The following FGF9 variants were observed in gnomAD, a reference collection of about 807,000 sequenced individuals.
FGF9 encodes the protein fibroblast growth factor 9, also known as fibroblast growth factor 9 (glia-activating factor).
A neutral mutation model predicts 19.9 loss-of-function variants in FGF9; 3 were observed. The observed-to-expected ratio is 0.15, with a 90% CI of 0.07 to 0.39. FGF9 has a LOEUF of 0.39. FGF9 is among the 10% of genes least tolerant of loss of function. FGF9 has a pLI of 1.00. For missense variants in FGF9, 175 were observed against 256.8 expected, an observed-to-expected ratio of 0.68 and a Z score of 2.18; for synonymous variants, 107 against 106.9, an observed-to-expected ratio of 1.00 and a Z score of -0.01.
At chr13:21,692,875 A>G (rs990682143) in intron 2 of FGF9, among the ~76,000 whole-genome samples, 5 of 152,250 alleles carry the variant, frequency 3.3e-5, no homozygotes, top group African/African-American at 1.2e-4. Flanking sequence ...AGCCTTATTT[A>G]CCAAGATTAA....
intron 2 of FGF9, among the ~76,000 whole-genome samples, chr13:21,699,213 T>G (rs1455170124): frequency 6.6e-6 from 1 of 152,202 alleles, no homozygotes; most frequent in Non-Finnish European, 1.5e-5. Flanking sequence ...GTAGAGCTGC[T>G]TCTCCCGGCC....
chr13:21,683,194 A>G (rs1872083152), intron 2 of FGF9, among the ~76,000 whole-genome samples: 1 of 152,160 alleles, frequency 6.6e-6, no homozygotes, highest in South Asian at 2.1e-4. Flanking sequence ...TGACAAGGAG[A>G]GCATGTCTAA....
rs11439016 is a variant in FGF9 at position 21,691,979 on chromosome 13, C to CTTT, written c.382-9199_382-9197dup. On this transcript the variant is annotated intron_variant, in intron 2 of 2. Transcript: ENST00000382353. The surrounding 1 kb of genome is among the most constrained non-coding windows in gnomAD (Gnocchi z 4.2). ...TGACATTAATTGATTCCCTTTTAAT[C>CTTT]TTTTTTTTTTTTTTGTAATTCTTCA... Among the ~76,000 whole-genome samples the CTTT allele has an allele frequency of 1.4e-5, 2 of 145,354 alleles. No homozygotes were observed. Among genetic ancestry groups the CTTT allele is most frequent in the African/African-American group, 2.5e-5 (1 of 39,486 alleles).
At chr13:21,683,752 G>A (rs914267611) in intron 2 of FGF9, among the ~76,000 whole-genome samples, 12 of 152,180 alleles carry the variant, frequency 7.9e-5, no homozygotes, top group African/African-American at 2.7e-4. Context: ...CTTTCCTTGC[G>A]GAAACGTCTT....
In FGF9 at chr13:21,672,222, A is replaced by G; in HGVS notation, c.277+33A>G. On this transcript the variant is annotated intron_variant, in intron 1 of 2. Coordinates refer to ENST00000382353, the MANE Select transcript of FGF9 (RefSeq NM_002010.3). The surrounding 1 kb of genome is among the most constrained non-coding windows in gnomAD (Gnocchi z 4.2). The stretch of plus-strand genomic sequence containing the variant: ...TACCATTAACCCTTTAGTGTCCATG[A>G]GATGACATGTTGAAATTATAACTAC... 1 of 1,613,336 alleles carries G rather than the reference A, an allele frequency of 6.2e-7. No homozygotes were observed. The highest frequency in any genetic ancestry group is 8.5e-7 in the Non-Finnish European group (1 of 1,179,412).
At chr13:21,687,638 C>T (rs150777388) in intron 2 of FGF9, among the ~76,000 whole-genome samples, 1 of 152,334 alleles carries the variant, frequency 6.6e-6, no homozygotes, top group Non-Finnish European at 1.5e-5. Flanking sequence ...CTCAGGATGA[C>T]TTGTTCCCCT....
chr13:21,698,979 G>T (rs1246339365), intron 2 of FGF9, among the ~76,000 whole-genome samples: 1 of 152,204 alleles, frequency 6.6e-6, no homozygotes, highest in African/African-American at 2.4e-5. Context: ...AATCTTGCCT[G>T]TGAGGAGACT....
Position 21,701,753 on chromosome 13 carries a change from G to A in FGF9, c.*318G>A, listed in dbSNP as rs17070736. On this transcript the variant is annotated 3_prime_UTR_variant, in exon 3 of 3. Transcript: ENST00000382353. ...TGTGTGTGTGTGTATGTGTGTAGCG[G>A]GAGATGTGGGCGGAGCGAGAGCAAA... The A allele has an allele frequency of 5.5e-4, 185 of 338,200 alleles. 1 individual carries two copies. The East Asian group carries it at 0.01, about 18-fold the overall frequency. The allele number at this position is 338,200 out of a possible 1,614,324, so 20.9% of individuals were successfully genotyped here.
At position 21,701,274 on chromosome 13, in the gene FGF9, G is replaced by T. The variant is rs749546597; in HGVS notation, c.466G>T (p.Val156Leu). The T allele has an allele frequency of 1.2e-6, 2 of 1,613,874 alleles. No individual in the cohort carries two copies. The highest frequency in any genetic ancestry group is 1.6e-4 in the Middle Eastern group (1 of 6,062). Reference sequence around the variant, plus strand: ...GTACTCATCAAACCTATATAAGCACGTGGACACTGGAAGGCGATACTATGT... The same window carrying T: ...GTACTCATCAAACCTATATAAGCACTTGGACACTGGAAGGCGATACTATGT... ...NTYSSNLYKH[V>L]DTGRRYYVAL... The change falls in exon 3 of 3, where the codon GTG becomes TTG. Residue 156 changes from valine (V) to leucine (L), a missense_variant. Val to Leu is a conservative substitution (Grantham distance 32). Transcript: ENST00000382353.
At chr13:21,689,305 G>T (rs1484625157) in intron 2 of FGF9, among the ~76,000 whole-genome samples, 1 of 152,180 alleles carries the variant, frequency 6.6e-6, no homozygotes, top group East Asian at 1.9e-4. Flanking sequence ...GCCCCATTTT[G>T]TAAAGCAGAG....
chr13:21,680,086 G>GC (rs918547247), intron 1 of FGF9, among the ~76,000 whole-genome samples: 1 of 152,096 alleles, frequency 6.6e-6, no homozygotes, highest in African/African-American at 2.4e-5. Flanking sequence ...TTTATGCCCA[G>GC]CTTAGGTGTT....
intron 1 of FGF9, among the ~76,000 whole-genome samples, chr13:21,677,876 G>A (rs1326203276): frequency 6.6e-6 from 1 of 152,120 alleles, no homozygotes; most frequent in Non-Finnish European, 1.5e-5. Context: ...TAGCTTTTTG[G>A]AGACTTATCT....
At chr13:21,698,548 T>C (rs1362241025) in intron 2 of FGF9, among the ~76,000 whole-genome samples, 1 of 152,128 alleles carries the variant, frequency 6.6e-6, no homozygotes. Flanking sequence ...TAGTGACGGG[T>C]GAAGCTGGGA....
At chr13:21,690,853 G>A (rs1254126033) in intron 2 of FGF9, among the ~76,000 whole-genome samples, 1 of 152,220 alleles carries the variant, frequency 6.6e-6, no homozygotes, top group Non-Finnish European at 1.5e-5. Flanking sequence ...AACATCCTCA[G>A]TGTAATACTG....
intron 1 of FGF9, among the ~76,000 whole-genome samples, chr13:21,679,676 C>T (rs1004155293): frequency 3.3e-5 from 5 of 151,402 alleles, no homozygotes; most frequent in Admixed American, 1.3e-4. Context: ...CGGTAGCTCA[C>T]GCCTGTAATC....
At chr13:21,675,789 C>A (rs1361408991) in intron 1 of FGF9, among the ~76,000 whole-genome samples, 1 of 152,148 alleles carries the variant, frequency 6.6e-6, no homozygotes, top group African/African-American at 2.4e-5. Context: ...CCCCATGCAG[C>A]CGCAGGTGAC....
chr13:21,681,703 A>G (rs537056135), intron 2 of FGF9, among the ~76,000 whole-genome samples: 1 of 152,198 alleles, frequency 6.6e-6, no homozygotes, highest in Admixed American at 6.5e-5. Context: ...TAAGGTCCTC[A>G]TGGGAGACAG....
At chr13:21,699,221 G>T (rs2138148423) in intron 2 of FGF9, among the ~76,000 whole-genome samples, 1 of 152,266 alleles carries the variant, frequency 6.6e-6, no homozygotes, top group African/African-American at 2.4e-5. Flanking sequence ...GCTTCTCCCG[G>T]CCACCCTCAG....
At chr13:21,694,976 C>G (rs1872370396) in intron 2 of FGF9, among the ~76,000 whole-genome samples, 1 of 152,046 alleles carries the variant, frequency 6.6e-6, no homozygotes, top group African/African-American at 2.4e-5. Context: ...TCTCAATTGT[C>G]TAGTTTGTCC....
Sources: gnomAD v4.1 joint callset for allele counts (sites outside exome capture counted in the v4.1 genomes callset) on GRCh38, gnomAD v4.1.1 for gene constraint, Gnocchi (gnomAD v3.1) non-coding constraint, MANE v1.5 for transcripts, NCBI Gene and HGNC (gene_info 2026-07-23, HGNC 2026-07-21) for gene names.